Variants in CDC14A observed in about 807,000 individuals in gnomAD.
CDC14A encodes dual specificity protein phosphatase CDC14A.
In CDC14A, 53 loss-of-function variants were observed where a neutral mutation model predicts 74.4. That is an observed-to-expected ratio of 0.71 (90% CI 0.57 to 0.89). The LOEUF is 0.89. Among genes scored for constraint, CDC14A ranks in the 40% least tolerant of loss-of-function variants. The pLI is 0.00. For synonymous variants in CDC14A, 247 were observed against 258.4 expected (o/e 0.96, Z 0.43); for missense variants, 646 against 713.7 (o/e 0.91, Z 1.08).
chr1:100,464,240 G>T (rs1667584930), intron 9 of CDC14A, among the ~76,000 whole-genome samples: 1 of 152,174 alleles, frequency 6.6e-6, no homozygotes, highest in Non-Finnish European at 1.5e-5. Context: ...CCTCCTCCTG[G>T]GTGGGCAGAG....
At chr1:100,457,100 T>C (rs1162115539) in intron 8 of CDC14A, among the ~76,000 whole-genome samples, 2 of 152,344 alleles carry the variant, frequency 1.3e-5, no homozygotes, top group Non-Finnish European at 2.9e-5. Flanking sequence ...ATTGTTTCAG[T>C]AGTAGTTTTG....
intron 11 of CDC14A, among the ~76,000 whole-genome samples, chr1:100,491,147 A>G (rs973302572): frequency 9.9e-5 from 15 of 152,196 alleles, no homozygotes; most frequent in African/African-American, 3.6e-4. Context: ...AAAATTAGGC[A>G]TATCTAGACA....
intron 4 of CDC14A, among the ~76,000 whole-genome samples, chr1:100,398,286 C>T (rs1289745297): frequency 6.6e-6 from 1 of 152,138 alleles, no homozygotes; most frequent in Non-Finnish European, 1.5e-5. Flanking sequence ...TCCTATCACT[C>T]ACTTTTGTGC....
chr1:100,393,344 A>G, intron 4 of CDC14A: 1 of 957,578 alleles, frequency 1.0e-6, no homozygotes, highest in Non-Finnish European at 1.7e-6. Context: ...TCAGATTCTC[A>G]GTTGTAACTG....
chr1:100,376,631 A>G (rs1655298234), intron 2 of CDC14A, among the ~76,000 whole-genome samples: 1 of 152,178 alleles, frequency 6.6e-6, no homozygotes, highest in Non-Finnish European at 1.5e-5. Context: ...TGGAAGAGAC[A>G]TCACTTTTCC....
chr1:100,423,645 G>C (rs1057267702), intron 4 of CDC14A: 1 of 154,258 alleles, frequency 6.5e-6, no homozygotes, highest in Non-Finnish European at 1.4e-5. Flanking sequence ...TGTCAGACTA[G>C]AGGGATTTAA....
intron 5 of CDC14A, among the ~76,000 whole-genome samples, chr1:100,438,724 G>A (rs2101121013): frequency 6.6e-6 from 1 of 152,322 alleles, no homozygotes; most frequent in Admixed American, 6.5e-5. Flanking sequence ...TAGGCTTTCG[G>A]GATGCTGAAA....
intron 8 of CDC14A, among the ~76,000 whole-genome samples, chr1:100,458,273 T>G (rs561278256): frequency 3.2e-4 from 49 of 152,236 alleles, no homozygotes; most frequent in Non-Finnish European, 6.6e-4. Flanking sequence ...TGTGTTGTTT[T>G]AAATTTTATT....
At chr1:100,461,869 G>A (rs893730842) in intron 8 of CDC14A, among the ~76,000 whole-genome samples, 1 of 152,112 alleles carries the variant, frequency 6.6e-6, no homozygotes, top group African/African-American at 2.4e-5. Context: ...TTTGAAATAT[G>A]TATACATCGT....
Position 100,395,143 on chromosome 1 carries a change from A to G in CDC14A, c.309+4319A>G, listed in dbSNP as rs17122384. ...GTGGCATTGACTGACTAATAAAAGT[A>G]TTTTGTACTAAGACAAACCTTTTTC... On this transcript the variant is annotated intron_variant, in intron 4 of 15. Coordinates refer to ENST00000336454, the MANE Select transcript of CDC14A (RefSeq NM_003672.4). 7.1e-3 allele frequency among the ~76,000 whole-genome samples: 1,079 copies of G among 152,330 alleles called. 10 individuals are homozygous for G. The highest frequency in any genetic ancestry group is 0.025 in the African/African-American group (1,029 of 41,564).
chr1:100,442,299 A>G (rs1217121126), intron 6 of CDC14A, among the ~76,000 whole-genome samples: 1 of 147,328 alleles, frequency 6.8e-6, no homozygotes, highest in Non-Finnish European at 1.5e-5. Context: ...TTACATATAT[A>G]TTATGTATTG....
At chr1:100,488,506 T>C (rs1410914040) in intron 11 of CDC14A, among the ~76,000 whole-genome samples, 1 of 152,216 alleles carries the variant, frequency 6.6e-6, no homozygotes, top group Non-Finnish European at 1.5e-5. Context: ...TTATGTACAG[T>C]AATTTTGAGC....
Position 100,484,315 on chromosome 1 carries a change from A to G in CDC14A, c.1001A>G (p.Gln334Arg). Residue 334 changes from glutamine to arginine, a missense_variant, in exon 11 of 16, where the codon CAA becomes CGA. By Grantham distance (43) the Gln-to-Arg change is conservative (BLOSUM62 1). Coordinates refer to ENST00000336454, the MANE Select transcript of CDC14A (RefSeq NM_003672.4). ...LEEKQASLWV[Q>R]GDIFRSKLKN... is the part of the protein sequence containing the mutation. ...AGAAAACAAGCATCGTTGTGGGTCC[A>G]AGGAGACATTTTCCGATCCAAACTG... The G allele has an allele frequency of 6.3e-7, 1 of 1,593,336 alleles. No individual in the cohort carries two copies. Among genetic ancestry groups the G allele is most frequent in the South Asian group, 1.1e-5 (1 of 87,452 alleles).
At chr1:100,452,867 C>T (rs1439498537) in intron 7 of CDC14A, among the ~76,000 whole-genome samples, 1 of 152,030 alleles carries the variant, frequency 6.6e-6, no homozygotes, top group Non-Finnish European at 1.5e-5. Flanking sequence ...ATCTAGATTT[C>T]TTTGAAGTGT....
intron 11 of CDC14A, among the ~76,000 whole-genome samples, chr1:100,486,275 G>A (rs7514874): frequency 0.054 from 8,250 of 152,138 alleles, 751 homozygotes; most frequent in African/African-American, 0.19. Flanking sequence ...TAGTTAGAAC[G>A]TTTTATTCTC....
At chr1:100,448,890 GCCTTT>G (rs1264502234) in intron 7 of CDC14A, among the ~76,000 whole-genome samples, 1 of 152,264 alleles carries the variant, frequency 6.6e-6, no homozygotes, top group East Asian at 1.9e-4. Flanking sequence ...TAGGGTTAAA[GCCTTT>G]GCTCTTGTCA....
At chr1:100,503,217 C>T (rs1235618892) in intron 15 of CDC14A, among the ~76,000 whole-genome samples, 1 of 152,132 alleles carries the variant, frequency 6.6e-6, no homozygotes, top group African/African-American at 2.4e-5. Flanking sequence ...TCTAATTATA[C>T]TGGGTTTATT....
intron 10 of CDC14A, among the ~76,000 whole-genome samples, chr1:100,472,285 T>C (rs1438363212): frequency 6.6e-6 from 1 of 152,118 alleles, no homozygotes; most frequent in African/African-American, 2.4e-5. Context: ...AGTGGAACAG[T>C]TGGGTATGTG....
intron 10 of CDC14A, among the ~76,000 whole-genome samples, chr1:100,472,621 G>T (rs1668499136): frequency 6.6e-6 from 1 of 151,134 alleles, no homozygotes; most frequent in Non-Finnish European, 1.5e-5. Flanking sequence ...TTTTGATATT[G>T]TCTGAGACTC....
Sources: gnomAD v4.1 joint callset for allele counts (sites outside exome capture counted in the v4.1 genomes callset) on GRCh38, gnomAD v4.1.1 for gene constraint, MANE v1.5 for transcripts, NCBI Gene and HGNC (gene_info 2026-07-23, HGNC 2026-07-21) for gene names.